Variants in SDK1 observed in about 807,000 individuals in gnomAD.
SDK1 encodes the protein sidekick cell adhesion molecule 1.
In SDK1, 157 loss-of-function variants were observed where a neutral mutation model predicts 245.5. The observed-to-expected ratio is 0.64, with a 90% CI of 0.56 to 0.73. The LOEUF is 0.73. Ranked by LOEUF, SDK1 falls within the 30% of genes least tolerant of loss-of-function variation. The probability of loss-of-function intolerance (pLI) is 0.00; values close to 1 mark genes in which losing one functional copy is unlikely to be tolerated. For missense variants in SDK1, 3,583 were observed against 3,002.3 expected (o/e 1.19, Z -4.52); for synonymous variants, 1,647 against 1,278.5 (o/e 1.29, Z -6.15).
intron 1 of SDK1, among the ~76,000 whole-genome samples, chr7:3,493,604 G>C (rs1781931349): frequency 6.6e-6 from 1 of 152,182 alleles, no homozygotes; most frequent in South Asian, 2.1e-4. Context: ...CTAAAGGAAA[G>C]CAGAATTATA....
At chr7:4,169,135 A>G (rs1781678633) in intron 32 of SDK1, among the ~76,000 whole-genome samples, 1 of 152,216 alleles carries the variant, frequency 6.6e-6, no homozygotes, top group Non-Finnish European at 1.5e-5. Context: ...GCCATCTCTC[A>G]TTCAGCAAAG....
chr7:3,729,457 G>C (rs1421387014), intron 4 of SDK1, among the ~76,000 whole-genome samples: 7 of 152,128 alleles, frequency 4.6e-5, no homozygotes, highest in Admixed American at 4.6e-4. Context: ...AACTGGGTGG[G>C]GGCCACATTT....
At chr7:3,853,312 G>A (rs558296411) in intron 5 of SDK1, among the ~76,000 whole-genome samples, 2 of 152,072 alleles carry the variant, frequency 1.3e-5, no homozygotes, top group African/African-American at 4.8e-5. Flanking sequence ...ATTTTGGAGG[G>A]CATCTATTAA....
chr7:3,703,125 A>G (rs78903798), intron 4 of SDK1, among the ~76,000 whole-genome samples: 2,839 of 152,038 alleles, frequency 0.019, 98 homozygotes, highest in African/African-American at 0.066. Context: ...CGTTTGTCCC[A>G]GAGAAATGAA....
rs184108775 is a variant in SDK1 at position 3,964,883 on chromosome 7, C to A, written c.1429+2032C>A. On this transcript the variant is annotated intron_variant, in intron 9 of 44. Coordinates refer to ENST00000404826, the MANE Select transcript of SDK1 (RefSeq NM_152744.4). ...CTAGGGGTCCCTTCCTTGAATCTTGCCCTCGGGTCAAATTTGTCTTTCATT... is the reference window on the plus strand; with the variant it reads ...CTAGGGGTCCCTTCCTTGAATCTTGACCTCGGGTCAAATTTGTCTTTCATT... 1.3e-4 allele frequency among the ~76,000 whole-genome samples: 20 copies of A among 152,244 alleles called. No individual in the cohort carries two copies. The East Asian group carries it at 3.9e-3, about 29-fold the overall frequency.
At chr7:3,303,710 GTTTCTGT>G (rs1230144437) in intron 1 of SDK1, among the ~76,000 whole-genome samples, 1 of 152,086 alleles carries the variant, frequency 6.6e-6, no homozygotes, top group East Asian at 1.9e-4. Flanking sequence ...TCATTGACGG[GTTTCTGT>G]TCTCTTTGCT....
At chr7:4,063,190 T>C (rs1356567880) in intron 19 of SDK1, among the ~76,000 whole-genome samples, 2 of 152,228 alleles carry the variant, frequency 1.3e-5, no homozygotes, top group African/African-American at 4.8e-5. Context: ...CATGATCTTG[T>C]GTCTAAACAA....
intron 14 of SDK1, among the ~76,000 whole-genome samples, chr7:3,996,242 T>C (rs1784690572): frequency 6.6e-6 from 1 of 152,202 alleles, no homozygotes; most frequent in Non-Finnish European, 1.5e-5. Context: ...TTTAGTTCCA[T>C]TGATTCATTA....
Position 3,971,455 on chromosome 7 carries a change from GT to G in SDK1, c.1715-4del. 1.3e-6 allele frequency: 2 copies of G among 1,599,856 alleles called. No homozygotes were observed. Among genetic ancestry groups the G allele is most frequent in the Non-Finnish European group, 1.7e-6 (2 of 1,168,596 alleles). On this transcript the variant is annotated splice_polypyrimidine_tract_variant and intron_variant, in intron 11 of 44. Transcript: ENST00000404826. ...TCATTTCGTCTGACTCGTGACTTGT[GT>G]TTTTTTCAGATCGGACGTCCATCGT...
chr7:3,427,989 T>C (rs538275242), intron 1 of SDK1, among the ~76,000 whole-genome samples: 4 of 152,234 alleles, frequency 2.6e-5, no homozygotes, highest in Non-Finnish European at 5.9e-5. Flanking sequence ...ACTTTGAGTT[T>C]ACCAGTGTTT....
At position 3,320,604 on chromosome 7, in the gene SDK1, A is replaced by G. The variant is rs967122971; in HGVS notation, c.298+18720A>G. Among the ~76,000 whole-genome samples, 11 of 152,190 alleles carry G rather than the reference A, an allele frequency of 7.2e-5. No homozygotes were observed. The South Asian group carries it at 2.3e-3, about 32-fold the overall frequency. ...CTAAATCCATCTGTGATGTTAGCTT[A>G]TGGTCTTTCTAGATTTTAGCCAAAG... On this transcript the variant is annotated intron_variant, in intron 1 of 44. Coordinates refer to ENST00000404826, the MANE Select transcript of SDK1 (RefSeq NM_152744.4).
rs78419741 is a variant in SDK1, at chr7:3,528,644, G to C, written c.299-90436G>C. Among the ~76,000 whole-genome samples, 33 of 152,210 alleles carry C rather than the reference G, an allele frequency of 2.2e-4. No homozygotes were observed. The East Asian group carries it at 5.6e-3, about 26-fold the overall frequency. On this transcript the variant is annotated intron_variant, in intron 1 of 44. Transcript: ENST00000404826. Reference sequence around the variant, plus strand: ...TCTTTGTAAGTGATGAAGGCAGCTTGGATTGTAGGATCACCCTGAAAATGG... The same window carrying C: ...TCTTTGTAAGTGATGAAGGCAGCTTCGATTGTAGGATCACCCTGAAAATGG...
chr7:3,863,351 C>A lies in SDK1; in HGVS notation c.847+41768C>A, dbSNP rs776715861. ...CCACTTGTCAGCATTTCCACTGATG[C>A]CTTACTGCCCTTTTGAGATTGGCAC... On this transcript the variant is annotated intron_variant, in intron 5 of 44. Coordinates refer to ENST00000404826, the MANE Select transcript of SDK1 (RefSeq NM_152744.4). Among the ~76,000 whole-genome samples, 3 of 152,212 alleles carry A rather than the reference C, an allele frequency of 2.0e-5. No homozygotes were observed. The South Asian group carries it at 6.2e-4, about 31-fold the overall frequency.
intron 1 of SDK1, among the ~76,000 whole-genome samples, chr7:3,446,481 CCTTT>C (rs1475142077): frequency 1.3e-5 from 2 of 152,090 alleles, no homozygotes; most frequent in Non-Finnish European, 2.9e-5. Context: ...TTCTGCCAGT[CCTTT>C]CTTTGACTTT....
intron 22 of SDK1, among the ~76,000 whole-genome samples, chr7:4,098,506 G>C (rs10240423): frequency 9.9e-5 from 15 of 151,876 alleles, no homozygotes. Flanking sequence ...TCACCCAGCA[G>C]ACACTTATTA....
intron 1 of SDK1, among the ~76,000 whole-genome samples, chr7:3,567,228 T>G (rs978714916): frequency 1.3e-5 from 2 of 152,222 alleles, no homozygotes; most frequent in African/African-American, 4.8e-5. Flanking sequence ...TGATGTTTGT[T>G]TATTAGCTTT....
chr7:3,534,320 T>C (rs373337733), intron 1 of SDK1, among the ~76,000 whole-genome samples: 35 of 152,326 alleles, frequency 2.3e-4, no homozygotes, highest in African/African-American at 7.7e-4. Context: ...CTTCTGTGTC[T>C]TGGCTATTGT....
intron 5 of SDK1, among the ~76,000 whole-genome samples, chr7:3,849,491 A>C (rs1391013973): frequency 6.6e-6 from 1 of 152,222 alleles, no homozygotes; most frequent in Non-Finnish European, 1.5e-5. Flanking sequence ...GTCTTTAGGA[A>C]GGTAATTTTT....
chr7:4,204,325 G>T (rs564340852), intron 35 of SDK1, among the ~76,000 whole-genome samples: 1 of 152,308 alleles, frequency 6.6e-6, no homozygotes, highest in African/African-American at 2.4e-5. Flanking sequence ...GCTGTTTAAT[G>T]GGGCGGTAAA....
Sources: gnomAD v4.1 joint callset for allele counts (sites outside exome capture counted in the v4.1 genomes callset) on GRCh38, gnomAD v4.1.1 for gene constraint, MANE v1.5 for transcripts, NCBI Gene and HGNC (gene_info 2026-07-23, HGNC 2026-07-21) for gene names.